Variants in WSCD2 observed in about 807,000 individuals in gnomAD.
WSCD2 encodes WSC domain sialate O sulfotransferase 2.
A neutral mutation model predicts 55.7 loss-of-function variants in WSCD2; 28 were observed. That is an observed-to-expected ratio of 0.50 (90% CI 0.37 to 0.69). WSCD2 has a LOEUF of 0.69. Ranked by LOEUF, WSCD2 falls within the 30% of genes least tolerant of loss-of-function variation. WSCD2 has a pLI of 0.00. For synonymous variants in WSCD2, 301 were observed against 301.9 expected, an observed-to-expected ratio of 1.00 and a Z score of 0.03; for missense variants, 616 against 762.1, an observed-to-expected ratio of 0.81 and a Z score of 2.26.
At chr12:108,202,310 G>A (rs191030784) in intron 2 of WSCD2, among the ~76,000 whole-genome samples, 56 of 152,268 alleles carry the variant, frequency 3.7e-4, no homozygotes, top group Admixed American at 1.4e-3. Context: ...CATTAATCAG[G>A]CCGTGATGCA....
chr12:108,244,704 T>G, intron 8 of WSCD2: 1 of 681,656 alleles, frequency 1.5e-6, no homozygotes, highest in East Asian at 2.7e-5. Context: ...GCAGTCTGAC[T>G]GCAGAATCAT....
chr12:108,245,379 T>G (rs1890013997), intron 8 of WSCD2, among the ~76,000 whole-genome samples: 1 of 152,176 alleles, frequency 6.6e-6, no homozygotes, highest in African/African-American at 2.4e-5. Context: ...CAAGAAATGC[T>G]CAGGCAACAT....
chr12:108,217,781 G>A (rs1009875514), intron 4 of WSCD2, among the ~76,000 whole-genome samples: 6 of 152,304 alleles, frequency 3.9e-5, no homozygotes, highest in African/African-American at 1.2e-4. Flanking sequence ...GTGCACAGCA[G>A]TAGCTTCTAA....
At position 108,210,057 on chromosome 12, in the gene WSCD2, T is replaced by G; in HGVS notation, c.498-64T>G. 6.2e-7 allele frequency: 1 copy of G among 1,604,628 alleles called. No individual in the cohort carries two copies. Among genetic ancestry groups the G allele is most frequent in the Non-Finnish European group, 8.5e-7 (1 of 1,173,264 alleles). On this transcript the variant is annotated intron_variant, in intron 3 of 8. Coordinates refer to ENST00000547525, the MANE Select transcript of WSCD2 (RefSeq NM_014653.4). The surrounding 1 kb of genome is among the most constrained non-coding windows in gnomAD (Gnocchi z 4.3). ...CCTCCCATCCCCCAGGTCTCCATGT[T>G]GTGTCTCCCTGCCTCGGGGTCTCCA...
At chr12:108,165,997 G>A (rs560654302) in intron 1 of WSCD2, among the ~76,000 whole-genome samples, 36 of 152,276 alleles carry the variant, frequency 2.4e-4, no homozygotes, top group Middle Eastern at 3.4e-3. Context: ...TTTTATTGAT[G>A]TCATCAGAGA....
At chr12:108,242,715 C>T (rs1010962194) in intron 8 of WSCD2, among the ~76,000 whole-genome samples, 2 of 152,206 alleles carry the variant, frequency 1.3e-5, no homozygotes, top group African/African-American at 2.4e-5. Flanking sequence ...CAGATCAACC[C>T]ATCCCCTAGA....
At position 108,180,523 on chromosome 12, in the gene WSCD2, G is replaced by A. The variant is rs374148982; in HGVS notation, c.-551-14759G>A. Among the ~76,000 whole-genome samples the A allele has an allele frequency of 2.0e-5, 3 of 152,378 alleles. No individual in the cohort carries two copies. In the East Asian group the frequency reaches 5.8e-4, roughly 29 times the overall value. On this transcript the variant is annotated intron_variant, in intron 1 of 8. Coordinates refer to ENST00000547525, the MANE Select transcript of WSCD2 (RefSeq NM_014653.4). ...GAATGTTTGTTGAATGAATGGATGA[G>A]CTGTAGTTTGAATGTCGGGGGAGGG... is the stretch of plus-strand genomic sequence containing the variant.
chr12:108,204,500 G>A (rs1319001336), intron 2 of WSCD2, among the ~76,000 whole-genome samples: 3 of 152,270 alleles, frequency 2.0e-5, no homozygotes, highest in African/African-American at 7.2e-5. Context: ...TGCCCACGTG[G>A]CCACAAAGTG....
In WSCD2 at chr12:108,228,725, G is replaced by A. The variant is rs112071918; in HGVS notation, c.979+1561G>A. 8.8e-3 allele frequency among the ~76,000 whole-genome samples: 1,337 copies of A among 152,344 alleles called. 17 individuals carry two copies. Among genetic ancestry groups the A allele is most frequent in the Non-Finnish European group, 0.014 (975 of 68,016 alleles). ...TGATTTGCACAAAAGTGCTGTATGA[G>A]CTAGTGGCAGCCCCACCAATAGCCT... On this transcript the variant is annotated intron_variant, in intron 6 of 8. Transcript: ENST00000547525.
intron 1 of WSCD2, among the ~76,000 whole-genome samples, chr12:108,166,462 T>C (rs566308947): frequency 6.6e-6 from 1 of 152,352 alleles, no homozygotes; most frequent in South Asian, 2.1e-4. Flanking sequence ...TCTGCCATTT[T>C]GGGGGAATGT....
chr12:108,160,490 G>C (rs955298412), intron 1 of WSCD2, among the ~76,000 whole-genome samples: 1 of 152,134 alleles, frequency 6.6e-6, no homozygotes, highest in South Asian at 2.1e-4. Context: ...AGGGGAAGTA[G>C]GATCATCTTA....
At chr12:108,167,752 C>T (rs950567433) in intron 1 of WSCD2, among the ~76,000 whole-genome samples, 1 of 152,224 alleles carries the variant, frequency 6.6e-6, no homozygotes, top group Non-Finnish European at 1.5e-5. Flanking sequence ...CTCTCCCAGC[C>T]AAAGGCTTAT....
chr12:108,225,213 G>A (rs1156367430), intron 5 of WSCD2, among the ~76,000 whole-genome samples: 2 of 152,196 alleles, frequency 1.3e-5, no homozygotes, highest in Non-Finnish European at 1.5e-5. Context: ...CATGGCTGAG[G>A]AGGCCTCTCA....
At chr12:108,170,293 T>TAC (rs146598916) in intron 1 of WSCD2, among the ~76,000 whole-genome samples, 209 of 151,870 alleles carry the variant, frequency 1.4e-3, no homozygotes, top group South Asian at 2.9e-3. Flanking sequence ...GTGTAGTCAC[T>TAC]ACACACACAC....
intron 1 of WSCD2, among the ~76,000 whole-genome samples, chr12:108,148,535 A>G (rs1422499027): frequency 6.6e-6 from 1 of 152,194 alleles, no homozygotes; most frequent in Admixed American, 6.5e-5. Flanking sequence ...TTATCATTAT[A>G]CTTATGATGG....
intron 1 of WSCD2, among the ~76,000 whole-genome samples, chr12:108,152,474 C>A (rs955655183): frequency 3.3e-5 from 5 of 152,086 alleles, no homozygotes; most frequent in Admixed American, 3.3e-4. Flanking sequence ...AATACAGGGT[C>A]GGGCAGGTGC....
intron 4 of WSCD2, among the ~76,000 whole-genome samples, chr12:108,217,738 A>G (rs975291072): frequency 6.6e-6 from 1 of 151,976 alleles, no homozygotes; most frequent in Non-Finnish European, 1.5e-5. Flanking sequence ...TATCCCCCTC[A>G]CTGCACCCCC....
chr12:108,227,877 G>GTGA (rs1185073022), intron 6 of WSCD2, among the ~76,000 whole-genome samples: 1 of 151,924 alleles, frequency 6.6e-6, no homozygotes, highest in Non-Finnish European at 1.5e-5. Flanking sequence ...GATGATGAAA[G>GTGA]TGATGATGAC....
intron 4 of WSCD2, among the ~76,000 whole-genome samples, chr12:108,221,967 A>C (rs956710850): frequency 6.6e-6 from 1 of 152,166 alleles, no homozygotes; most frequent in Non-Finnish European, 1.5e-5. Context: ...GAAATTCATC[A>C]TTTAACCAAA....
Sources: gnomAD v4.1 joint callset for allele counts (sites outside exome capture counted in the v4.1 genomes callset) on GRCh38, gnomAD v4.1.1 for gene constraint, Gnocchi (gnomAD v3.1) non-coding constraint, MANE v1.5 for transcripts, NCBI Gene and HGNC (gene_info 2026-07-23, HGNC 2026-07-21) for gene names.